Variants in ZFP64 observed in about 807,000 individuals in gnomAD.
ZFP64 encodes zinc finger protein 64.
A neutral mutation model predicts 51.6 loss-of-function variants in ZFP64; 14 were observed. That is an observed-to-expected ratio of 0.27 (90% CI 0.18 to 0.42). The LOEUF (loss-of-function observed/expected upper bound fraction) is 0.42, where lower values mean the gene tolerates loss of function less well. Ranked by LOEUF, ZFP64 falls within the 10% of genes least tolerant of loss-of-function variation. ZFP64 has a pLI of 1.00. For missense variants in ZFP64, 754 were observed against 906.8 expected, an observed-to-expected ratio of 0.83 and a Z score of 2.16; for synonymous variants, 375 against 361.4, an observed-to-expected ratio of 1.04 and a Z score of -0.43.
At chr20:52,134,295 A>G (rs1278441936) in intron 5 of ZFP64, among the ~76,000 whole-genome samples, 1 of 152,178 alleles carries the variant, frequency 6.6e-6, no homozygotes, top group East Asian at 1.9e-4. Flanking sequence ...TAAATTTCTC[A>G]TCTACTCAGG....
At chr20:52,089,182 CA>C (rs2078896244) in intron 7 of ZFP64, 3 of 363,408 alleles carry the variant, frequency 8.3e-6, no homozygotes, top group South Asian at 6.3e-5. Context: ...CCCCCTAGCC[CA>C]ACCCTTCCAG....
At chr20:52,185,649 C>T (rs1326992302) in intron 2 of ZFP64, among the ~76,000 whole-genome samples, 5 of 146,920 alleles carry the variant, frequency 3.4e-5, no homozygotes, top group African/African-American at 1.3e-4. Flanking sequence ...GGCACGATCT[C>T]GGCTCAATGC....
At chr20:52,124,158 A>C (rs1220746655) in intron 5 of ZFP64, among the ~76,000 whole-genome samples, 1 of 151,080 alleles carries the variant, frequency 6.6e-6, no homozygotes, top group Non-Finnish European at 1.5e-5. Context: ...ACTTTTCTTA[A>C]ATGAATTCTG....
chr20:52,117,644 AAAG>A (rs1312518293), intron 5 of ZFP64: 2 of 456,512 alleles, frequency 4.4e-6, no homozygotes, highest in African/African-American at 2.0e-5. Context: ...AAAACACAAA[AAAG>A]AAGATTCCCA....
At chr20:52,163,950 C>A (rs1439428248) in intron 4 of ZFP64, among the ~76,000 whole-genome samples, 1 of 152,118 alleles carries the variant, frequency 6.6e-6, no homozygotes, top group Non-Finnish European at 1.5e-5. Context: ...TTATTAAATT[C>A]TCCTTTCTAA....
intron 4 of ZFP64, among the ~76,000 whole-genome samples, chr20:52,162,736 G>A (rs1054666056): frequency 2.7e-4 from 41 of 152,310 alleles, no homozygotes; most frequent in African/African-American, 9.9e-4. Flanking sequence ...AGTAGTTCCT[G>A]CGGTCACTAC....
chr20:52,122,580 G>T (rs1979247467), intron 5 of ZFP64, among the ~76,000 whole-genome samples: 1 of 152,080 alleles, frequency 6.6e-6, no homozygotes, highest in East Asian at 1.9e-4. Flanking sequence ...GATGAATTTG[G>T]GCAAAGTATA....
chr20:52,116,176 C>T (rs1273807927), intron 5 of ZFP64, among the ~76,000 whole-genome samples: 2 of 150,506 alleles, frequency 1.3e-5, no homozygotes, highest in African/African-American at 2.4e-5. Flanking sequence ...CGCTCTGTCA[C>T]CCAGGCTGGA....
At chr20:52,188,508 G>T (rs777334870) in intron 1 of ZFP64, among the ~76,000 whole-genome samples, 7 of 150,140 alleles carry the variant, frequency 4.7e-5, no homozygotes, top group Non-Finnish European at 1.0e-4. Flanking sequence ...TAGAGATGAG[G>T]TCTCACCTGT....
chr20:52,160,624 A>C lies in ZFP64; in HGVS notation c.512-250T>G, dbSNP rs1167074786. 6.6e-6 allele frequency among the ~76,000 whole-genome samples: 1 copy of C among 152,216 alleles called. No individual in the cohort carries two copies. The highest frequency in any genetic ancestry group is 1.5e-5 in the Non-Finnish European group (1 of 68,052). Reference sequence around the variant, plus strand: ...TGAATTTCTTATAAATTTTTTATAAATTAAAAATAGAAGGCAATTAAAATT... The same window carrying C: ...TGAATTTCTTATAAATTTTTTATAACTTAAAAATAGAAGGCAATTAAAATT... On this transcript the variant is annotated intron_variant, in intron 4 of 5. Coordinates refer to ENST00000216923, the MANE Select transcript of ZFP64 (RefSeq NM_018197.3). The surrounding 1 kb of genome is among the most constrained non-coding windows in gnomAD (Gnocchi z 4.2).
intron 5 of ZFP64, among the ~76,000 whole-genome samples, chr20:52,119,533 A>ATATATATATAT (rs1555802531): frequency 1.1e-5 from 1 of 89,838 alleles, no homozygotes; most frequent in African/African-American, 4.7e-5. Flanking sequence ...AAAAAAAAAA[A>ATATATATATAT]ATATATATAT....
intron 5 of ZFP64, among the ~76,000 whole-genome samples, chr20:52,121,391 T>TA (rs75085690): frequency 0.2 from 30,351 of 152,102 alleles, 3,306 homozygotes; most frequent in Admixed American, 0.26. Flanking sequence ...ACATGAGTGA[T>TA]AAAAAAGTGA....
chr20:52,182,436 G>A (rs1043528463), intron 2 of ZFP64, among the ~76,000 whole-genome samples: 2 of 152,186 alleles, frequency 1.3e-5, no homozygotes, highest in African/African-American at 4.8e-5. Context: ...AGAAATAGAA[G>A]TGCTGGGTGC....
At chr20:52,105,176 C>T (rs1383709191) in intron 5 of ZFP64, 13 of 1,436,634 alleles carry the variant, frequency 9.0e-6, no homozygotes, top group Non-Finnish European at 1.2e-5. Flanking sequence ...ACACTCCCGG[C>T]GCGCAGGCCG....
In ZFP64 at chr20:52,130,347, G is replaced by T. The variant is rs149224921; in HGVS notation, c.763+29776C>A. On this transcript the variant is annotated intron_variant, in intron 5 of 8. Coordinates refer to the ZFP64 transcript ENST00000361387. Reference sequence around the variant, plus strand: ...TCCCACCTCAGCCTCCAAAGTAGCTGAGACTACAGGAATGTTCCACCATAC... The same window carrying T: ...TCCCACCTCAGCCTCCAAAGTAGCTTAGACTACAGGAATGTTCCACCATAC... Among the ~76,000 whole-genome samples the T allele has an allele frequency of 3.6e-3, 546 of 152,258 alleles. 4 individuals are homozygous for T. Among genetic ancestry groups the T allele is most frequent in the African/African-American group, 0.012 (513 of 41,556 alleles).
intron 5 of ZFP64, among the ~76,000 whole-genome samples, chr20:52,111,380 C>A (rs1978572561): frequency 6.6e-6 from 1 of 151,804 alleles, no homozygotes; most frequent in African/African-American, 2.4e-5. Flanking sequence ...CCACGCCCAG[C>A]TAATTTTGTA....
chr20:52,116,116 G>A (rs922942277), intron 5 of ZFP64, among the ~76,000 whole-genome samples: 5 of 151,770 alleles, frequency 3.3e-5, no homozygotes, highest in African/African-American at 4.8e-5. Flanking sequence ...TTATAGGCAT[G>A]AGCCACAGCA....
At chr20:52,140,404 A>G (rs540342559) in intron 5 of ZFP64, among the ~76,000 whole-genome samples, 85 of 152,376 alleles carry the variant, frequency 5.6e-4, no homozygotes, top group African/African-American at 1.9e-3. Flanking sequence ...CAAAGAAATT[A>G]AAAGTGCTAT....
intron 5 of ZFP64, chr20:52,105,428 C>G: frequency 8.4e-7 from 1 of 1,192,020 alleles, no homozygotes; most frequent in Non-Finnish European, 1.0e-6. Flanking sequence ...CCAGGAGTCC[C>G]GCGGACTTGC....
Sources: allele counts gnomAD v4.1 joint callset (sites outside exome capture counted in the v4.1 genomes callset), GRCh38; gene constraint gnomAD v4.1.1; non-coding constraint Gnocchi (gnomAD v3.1); transcripts MANE v1.5; gene names NCBI Gene and HGNC (gene_info 2026-07-23, HGNC 2026-07-21).